The following DSCAM variants were observed in gnomAD, a reference collection of about 807,000 sequenced individuals.
The protein encoded by DSCAM is DS cell adhesion molecule.
In DSCAM, 47 loss-of-function variants were observed where a neutral mutation model predicts 217.7. That is an observed-to-expected ratio of 0.22 (90% CI 0.17 to 0.28). The LOEUF (loss-of-function observed/expected upper bound fraction) is 0.28. Among genes scored for constraint, DSCAM ranks in the 10% least tolerant of loss-of-function variants. The pLI, the probability that DSCAM is intolerant of heterozygous loss-of-function variation, is 1.00. For missense variants in DSCAM, 2,080 were observed against 2,618.3 expected (o/e 0.79, Z 4.49); for synonymous variants, 1,056 against 1,015.3 (o/e 1.04, Z -0.76).
chr21:40,390,314 A>G (rs542204165), intron 3 of DSCAM, among the ~76,000 whole-genome samples: 1 of 152,322 alleles, frequency 6.6e-6, no homozygotes, highest in South Asian at 2.1e-4. Context: ...GACAGCAACC[A>G]TTTTAGATGG....
intron 3 of DSCAM, among the ~76,000 whole-genome samples, chr21:40,370,795 AT>A (rs940784647): frequency 3.3e-5 from 5 of 151,662 alleles, no homozygotes; most frequent in African/African-American, 4.8e-5. Flanking sequence ...TAATTTTTGT[AT>A]TTTTTTATAG....
At chr21:40,414,758 T>C (rs1343514634) in intron 3 of DSCAM, among the ~76,000 whole-genome samples, 1 of 152,196 alleles carries the variant, frequency 6.6e-6, no homozygotes, top group Non-Finnish European at 1.5e-5. Context: ...GAGTGAGTCA[T>C]TACCTGCCGA....
Position 40,080,183 on chromosome 21 carries a change from A to G in DSCAM, c.4389T>C (p.Ser1463=). 1 of 1,584,986 alleles carries G rather than the reference A, an allele frequency of 6.3e-7. No individual in the cohort carries two copies. Among genetic ancestry groups the G allele is most frequent in the Non-Finnish European group, 8.6e-7 (1 of 1,167,012 alleles). The change falls in exon 25 of 33, where the codon AGT becomes AGC. Residue 1463 remains serine, a synonymous_variant. Coordinates refer to ENST00000400454, the MANE Select transcript of DSCAM (RefSeq NM_001389.5). ...CTAAGGTCTTTGCTTCTATGATTTC[A>G]CTTATGCGCCCTGGGCCCACTCCAT... The part of the protein sequence containing the change: ...AQNGVGPGRI[S]EIIEAKTLGK...
At chr21:40,511,797 C>A (rs1366925713) in intron 3 of DSCAM, among the ~76,000 whole-genome samples, 1 of 151,802 alleles carries the variant, frequency 6.6e-6, no homozygotes, top group Admixed American at 6.6e-5. Flanking sequence ...CGAGACCATT[C>A]TGGCTAACCC....
chr21:40,349,051 G>A (rs2074598473), intron 5 of DSCAM, among the ~76,000 whole-genome samples: 1 of 148,236 alleles, frequency 6.7e-6, no homozygotes, highest in Non-Finnish European at 1.5e-5. Flanking sequence ...GGAGGAGAAT[G>A]GTGTGAACCT....
intron 4 of DSCAM, among the ~76,000 whole-genome samples, chr21:40,368,717 G>T (rs2074861052): frequency 6.6e-6 from 1 of 152,118 alleles, no homozygotes; most frequent in African/African-American, 2.4e-5. Flanking sequence ...TACCACAGGG[G>T]GGCAATTTTA....
intron 3 of DSCAM, among the ~76,000 whole-genome samples, chr21:40,595,880 T>C (rs2077017858): frequency 6.6e-6 from 1 of 152,252 alleles, no homozygotes; most frequent in Admixed American, 6.5e-5. Flanking sequence ...TTGACCTGAA[T>C]GAGACGAAGT....
At chr21:40,502,983 G>A (rs1568858427) in intron 3 of DSCAM, among the ~76,000 whole-genome samples, 2 of 152,016 alleles carry the variant, frequency 1.3e-5, no homozygotes, top group Admixed American at 6.6e-5. Flanking sequence ...AGAGCTCTAC[G>A]GCACACAGCA....
chr21:40,226,793 T>C (rs1184024329), intron 11 of DSCAM, among the ~76,000 whole-genome samples: 2 of 152,218 alleles, frequency 1.3e-5, no homozygotes, highest in East Asian at 3.9e-4. Flanking sequence ...GCACATTTAT[T>C]ATGCAGGTAA....
chr21:40,319,182 A>G (rs1264213804), intron 8 of DSCAM, among the ~76,000 whole-genome samples: 1 of 152,214 alleles, frequency 6.6e-6, no homozygotes, highest in Non-Finnish European at 1.5e-5. Flanking sequence ...ATAAATTTAC[A>G]TCTTTTGAAT....
intron 3 of DSCAM, among the ~76,000 whole-genome samples, chr21:40,493,012 G>C (rs1008875118): frequency 6.6e-6 from 1 of 151,924 alleles, no homozygotes; most frequent in Non-Finnish European, 1.5e-5. Context: ...AAAATAAAGG[G>C]GTTCCAATAA....
At chr21:40,530,395 T>C (rs1009723962) in intron 3 of DSCAM, among the ~76,000 whole-genome samples, 4 of 152,238 alleles carry the variant, frequency 2.6e-5, no homozygotes, top group African/African-American at 9.6e-5. Flanking sequence ...TTCAGTTGAC[T>C]GGTTGTCTAC....
chr21:40,557,028 C>T (rs1470814334), intron 3 of DSCAM, among the ~76,000 whole-genome samples: 1 of 151,908 alleles, frequency 6.6e-6, no homozygotes, highest in Non-Finnish European at 1.5e-5. Flanking sequence ...GGCAGGCACA[C>T]CCAGTGTAAG....
chr21:40,405,567 C>A (rs2075273224), intron 3 of DSCAM, among the ~76,000 whole-genome samples: 2 of 152,080 alleles, frequency 1.3e-5, no homozygotes, highest in Admixed American at 1.3e-4. Context: ...GAAGAGACAA[C>A]CTACAAAATG....
At chr21:40,198,960 C>A (rs1488450498) in intron 11 of DSCAM, among the ~76,000 whole-genome samples, 1 of 152,198 alleles carries the variant, frequency 6.6e-6, no homozygotes, top group Non-Finnish European at 1.5e-5. Flanking sequence ...TACTCCACTT[C>A]CTAGGCAGCC....
chr21:40,249,182 G>C (rs967399031), intron 11 of DSCAM, among the ~76,000 whole-genome samples: 1 of 152,174 alleles, frequency 6.6e-6, no homozygotes, highest in Non-Finnish European at 1.5e-5. Flanking sequence ...GCAAATTGCA[G>C]TATTGTTGGA....
chr21:40,245,530 G>A (rs1234637380), intron 11 of DSCAM, among the ~76,000 whole-genome samples: 1 of 152,184 alleles, frequency 6.6e-6, no homozygotes, highest in African/African-American at 2.4e-5. Flanking sequence ...CTCCCTGAAG[G>A]GAGGCCTATC....
intron 8 of DSCAM, among the ~76,000 whole-genome samples, chr21:40,318,702 C>T (rs1182067503): frequency 6.6e-6 from 1 of 152,180 alleles, no homozygotes; most frequent in African/African-American, 2.4e-5. Flanking sequence ...GGGCAGGAGG[C>T]CAAGATGCAG....
chr21:40,030,127 G>GGC (rs2088491754), intron 32 of DSCAM, among the ~76,000 whole-genome samples: 1 of 152,156 alleles, frequency 6.6e-6, no homozygotes, highest in Admixed American at 6.5e-5. Context: ...GATACACACA[G>GGC]GCACACACAC....
Sources: allele counts gnomAD v4.1 joint callset (sites outside exome capture counted in the v4.1 genomes callset), GRCh38; gene constraint gnomAD v4.1.1; transcripts MANE v1.5; gene names NCBI Gene and HGNC (gene_info 2026-07-23, HGNC 2026-07-21).